GEMIN8: variants seen among roughly 807,000 people sequenced by gnomAD.
GEMIN8 encodes gem-associated protein 8.
For missense variants in GEMIN8, 185 were observed against 205.9 expected, an observed-to-expected ratio of 0.90 and a Z score of 0.62; for synonymous variants, 80 against 78.5, an observed-to-expected ratio of 1.02 and a Z score of -0.10.
At chrX:14,014,075 A>C (rs999784821) in intron 4 of GEMIN8, 2 of 748,253 alleles carry the variant, frequency 2.7e-6, no homozygotes, top group South Asian at 1.4e-4. Flanking sequence ...CTTATATAGC[A>C]GGAAAACTTT....
intron 2 of GEMIN8, among the ~76,000 whole-genome samples, chrX:14,021,824 ATAT>A (rs1157667982): frequency 6.1e-5 from 3 of 49,482 alleles, no homozygotes; most frequent in Non-Finnish European, 1.2e-4. Context: ...GTATATATAT[ATAT>A]ATATATATAT....
chrX:14,009,983 C>G (rs900192647), intron 4 of GEMIN8, among the ~76,000 whole-genome samples: 1 of 112,052 alleles, frequency 8.9e-6, no homozygotes, highest in African/African-American at 3.2e-5. Context: ...TTAAATGAGT[C>G]AACACTTGCT....
Position 14,014,427 on chromosome X carries a change from A to G in GEMIN8, c.473-5258T>C, listed in dbSNP as rs959980417. The G allele has an allele frequency of 4.0e-6, 3 of 750,687 alleles. No individual in the cohort carries two copies. The African/African-American group carries it at 7.0e-5, about 18-fold the overall frequency. 61.9% of individuals were successfully genotyped at this position (750,687 alleles called of 1,213,427 possible). A position where few individuals can be genotyped will look rare whatever the true frequency, so the allele number is the denominator to read the frequency against. On this transcript the variant is annotated intron_variant, in intron 4 of 4. Coordinates refer to ENST00000680255, the MANE Select transcript of GEMIN8 (RefSeq NM_001042479.2). ...AATGTAATCCTGAAGTTACTGGACA[A>G]CCGCCATTTTTACTTTTACAACAGA...
Position 14,021,597 on chromosome X carries a change from C to G in GEMIN8, c.-33-86G>C. 4.8e-6 allele frequency: 3 copies of G among 631,238 alleles called. No homozygotes were observed. The South Asian group carries it at 7.8e-5, about 16-fold the overall frequency. The allele number at this position is 631,238 out of a possible 1,213,427, so 52.0% of individuals were successfully genotyped here. On this transcript the variant is annotated intron_variant, in intron 2 of 4. Coordinates refer to ENST00000680255, the MANE Select transcript of GEMIN8 (RefSeq NM_001042479.2). ...TATTCTATGGTTTGTGAGGCAGCTC[C>G]CAAGGAACTGCCTCTTCCCAGGACC...
chrX:14,009,956 T>C (rs1923427186), intron 4 of GEMIN8, among the ~76,000 whole-genome samples: 1 of 112,182 alleles, frequency 8.9e-6, no homozygotes, highest in African/African-American at 3.2e-5. Flanking sequence ...ATGCAAATCA[T>C]ACCAAGCAAG....
At chrX:13,993,087 C>T in the GEMIN8 span, among the ~76,000 whole-genome samples, 2 of 112,209 alleles carry the variant, frequency 1.8e-5, no homozygotes, top group African/African-American at 6.5e-5. Context: ...CCAGGTTAGG[C>T]CCCATCAATT....
chrX:14,008,751 C>T lies in GEMIN8; in HGVS notation c.*162G>A. On this transcript the variant is annotated 3_prime_UTR_variant, in exon 5 of 5. Transcript: ENST00000680255. ...ACATGTCCTGCAGACCTCCAAGTGG[C>T]TGGCATAGTACATCCACCCCGTGAC... 1 of 508,156 alleles carries T rather than the reference C, an allele frequency of 2.0e-6. No individual in the cohort carries two copies. The highest frequency in any genetic ancestry group is 3.4e-6 in the Non-Finnish European group (1 of 293,575). The allele number at this position is 508,156 out of a possible 1,213,427, so 41.9% of individuals were successfully genotyped here. A position where few individuals can be genotyped will look rare whatever the true frequency, so the allele number is the denominator to read the frequency against.
At chrX:14,016,901 T>C (rs1447752512) in intron 4 of GEMIN8, among the ~76,000 whole-genome samples, 2 of 75,044 alleles carry the variant, frequency 2.7e-5, no homozygotes, top group Non-Finnish European at 5.1e-5. Context: ...ATGTACAGAA[T>C]CTCAATCAAG....
chrX:13,989,156 AG>A, the GEMIN8 span, among the ~76,000 whole-genome samples: 16 of 111,392 alleles, frequency 1.4e-4, no homozygotes, highest in Non-Finnish European at 2.3e-4. Flanking sequence ...TGGCACAATC[AG>A]GGCTCACTGC....
At chrX:14,000,861 T>C in the GEMIN8 span, among the ~76,000 whole-genome samples, 1 of 111,395 alleles carries the variant, frequency 9.0e-6, no homozygotes, top group South Asian at 3.8e-4. Flanking sequence ...GGGAGTGGCT[T>C]CTGTGCCCCT....
At chrX:13,997,547 C>T in the GEMIN8 span, among the ~76,000 whole-genome samples, 3 of 111,523 alleles carry the variant, frequency 2.7e-5, no homozygotes, top group South Asian at 3.7e-4. Flanking sequence ...AGTTTGGGGA[C>T]GAGTTGTTAT....
At chrX:14,003,684 A>G (rs149572003), downstream of GEMIN8, among the ~76,000 whole-genome samples, 1 of 112,297 alleles carries the variant, frequency 8.9e-6, no homozygotes, top group Non-Finnish European at 1.9e-5. Context: ...ACTTTTCAAA[A>G]GTACAAAAAT....
At chrX:13,996,521 C>T in the GEMIN8 span, among the ~76,000 whole-genome samples, 1 of 111,504 alleles carries the variant, frequency 9.0e-6, no homozygotes, top group East Asian at 2.8e-4. Context: ...GACCTGACCC[C>T]ATGATTAAAT....
chrX:14,029,291 G>C (rs1452676835), intron 1 of GEMIN8: 1 of 112,279 alleles, frequency 8.9e-6, no homozygotes, highest in Admixed American at 9.4e-5. Context: ...TTTTTGAGCA[G>C]AGAGGGCAAT....
At chrX:14,014,008 G>A (rs1220636865) in intron 4 of GEMIN8, 4 of 725,690 alleles carry the variant, frequency 5.5e-6, no homozygotes, top group South Asian at 1.4e-4. Context: ...GTCACATCAC[G>A]TAATAGTCCA....
the GEMIN8 span, among the ~76,000 whole-genome samples, chrX:13,991,270 T>C: frequency 8.9e-6 from 1 of 112,307 alleles, no homozygotes; most frequent in Non-Finnish European, 1.9e-5. Flanking sequence ...GGAGTGATTT[T>C]CCTGTTAAAA....
At chrX:14,025,081 C>T (rs1223810924) in intron 2 of GEMIN8, among the ~76,000 whole-genome samples, 1 of 111,674 alleles carries the variant, frequency 9.0e-6, no homozygotes, top group Admixed American at 9.5e-5. Flanking sequence ...TCCTAAAATC[C>T]TATATTCAAA....
chrX:14,006,074 G>A (rs1276375684), downstream of GEMIN8, among the ~76,000 whole-genome samples: 2 of 106,997 alleles, frequency 1.9e-5, no homozygotes, highest in Non-Finnish European at 3.9e-5. Context: ...TGTCATCCAG[G>A]CTGGAGTGCA....
the GEMIN8 span, among the ~76,000 whole-genome samples, chrX:14,001,313 A>G: frequency 4.5e-5 from 5 of 112,319 alleles, no homozygotes; most frequent in Non-Finnish European, 9.4e-5. Flanking sequence ...TAAACGAACA[A>G]AGAAACAAAA....
Sources: allele counts gnomAD v4.1 joint callset (sites outside exome capture counted in the v4.1 genomes callset), GRCh38; gene constraint gnomAD v4.1.1; transcripts MANE v1.5; gene names NCBI Gene and HGNC (gene_info 2026-07-23, HGNC 2026-07-21).